Variants in PSMC4 observed in about 807,000 individuals in gnomAD.
The protein encoded by PSMC4 is proteasome 26S subunit, ATPase 4, also known as 26S proteasome regulatory subunit 6B.
Under a neutral mutation model 48.4 loss-of-function variants are expected in PSMC4, and 13 were observed. The observed-to-expected ratio is 0.27, with a 90% CI of 0.18 to 0.43. The LOEUF is 0.43. PSMC4 is among the 20% of genes least tolerant of loss of function. The pLI, the probability that PSMC4 is intolerant of heterozygous loss-of-function variation, is 1.00. For synonymous variants in PSMC4, 202 were observed against 212.3 expected (o/e 0.95, Z 0.42); for missense variants, 262 against 555.9 (o/e 0.47, Z 5.32).
In PSMC4 at chr19:39,980,868, A is replaced by C; in HGVS notation, c.1143+151A>C. ...TCTACCATCACTAGGGGTGGATAGTACAGGGGTAGTGTTTTTGTGTTTTGC... is the reference window on the plus strand; with the variant it reads ...TCTACCATCACTAGGGGTGGATAGTCCAGGGGTAGTGTTTTTGTGTTTTGC... On this transcript the variant is annotated intron_variant, in intron 10 of 10. Coordinates refer to ENST00000157812, the MANE Select transcript of PSMC4 (RefSeq NM_006503.4). The surrounding 1 kb of genome is among the most constrained non-coding windows in gnomAD (Gnocchi z 4.8). The C allele has an allele frequency of 1.3e-6, 1 of 776,964 alleles. No individual in the cohort carries two copies. The highest frequency in any genetic ancestry group is 2.1e-6 in the Non-Finnish European group (1 of 471,534). The allele number at this position is 776,964 out of a possible 1,614,324, so 48.1% of individuals were successfully genotyped here.
At position 39,971,244 on chromosome 19, in the gene PSMC4, G is replaced by A. The variant is rs764642713; in HGVS notation, c.36+6G>A. On this transcript the variant is annotated splice_donor_region_variant and intron_variant, in intron 1 of 10. Transcript: ENST00000157812. ...TCTTGGTGGAGAAGGCTCAGGTACAGTGGGGACTTGGGCTTTTTAGTCCGG... is the reference window on the plus strand; with the variant it reads ...TCTTGGTGGAGAAGGCTCAGGTACAATGGGGACTTGGGCTTTTTAGTCCGG... 6.2e-7 allele frequency: 1 copy of A among 1,614,210 alleles called. No individual in the cohort carries two copies. The highest frequency in any genetic ancestry group is 2.2e-5 in the East Asian group (1 of 44,880).
In PSMC4 at chr19:39,978,779, G is replaced by A. The variant is rs138459723; in HGVS notation, c.674-1038G>A. Among the ~76,000 whole-genome samples, 21 of 152,256 alleles carry A rather than the reference G, an allele frequency of 1.4e-4. No individual in the cohort carries two copies. In the East Asian group the frequency reaches 4.0e-3, roughly 29 times the overall value. Reference sequence around the variant, plus strand: ...TGTCTATAATCCCAGCACTTTGGAAGGCTAAGCCAGGAGGATCGCTTGAGG... The same window carrying A: ...TGTCTATAATCCCAGCACTTTGGAAAGCTAAGCCAGGAGGATCGCTTGAGG... On this transcript the variant is annotated intron_variant, in intron 6 of 10. Coordinates refer to ENST00000157812, the MANE Select transcript of PSMC4 (RefSeq NM_006503.4).
At chr19:39,973,846 T>C (rs1232844879) in intron 3 of PSMC4, among the ~76,000 whole-genome samples, 2 of 152,122 alleles carry the variant, frequency 1.3e-5, no homozygotes, top group African/African-American at 4.8e-5. Context: ...GAGGGTGGTA[T>C]CCAGGATGAG....
intron 3 of PSMC4, 93 bp downstream of exon 3, chr19:39,972,648 G>T: frequency 2.7e-6 from 3 of 1,104,050 alleles, no homozygotes; most frequent in Non-Finnish European, 3.8e-6. Context: ...GGGCAGTGCA[G>T]TGCAATGTTC....
At chr19:39,972,346 T>A (rs559362568) in intron 2 of PSMC4, 23 bp from the exon 3 acceptor site, 1 of 1,612,972 alleles carries the variant, frequency 6.2e-7, no homozygotes. Context: ...AGCCATCCCC[T>A]TCTGTCCCCT....
intron 6 of PSMC4, among the ~76,000 whole-genome samples, chr19:39,975,659 C>T (rs1971185976): frequency 6.6e-6 from 1 of 152,124 alleles, no homozygotes; most frequent in Non-Finnish European, 1.5e-5. Context: ...ACTCAGTTTC[C>T]TCACCTGTCA....
chr19:39,972,683 A>T (rs1252131221), intron 3 of PSMC4, 128 bp downstream of exon 3: 1 of 633,186 alleles, frequency 1.6e-6, no homozygotes, highest in East Asian at 2.8e-5. Context: ...ACTGATCGAA[A>T]GGTAGAAATA....
chr19:39,973,141 T>C (rs1971132771), intron 3 of PSMC4, among the ~76,000 whole-genome samples: 1 of 152,244 alleles, frequency 6.6e-6, no homozygotes, highest in Non-Finnish European at 1.5e-5. Flanking sequence ...TATTTAGCCT[T>C]ACTAGGTGTG....
chr19:39,980,796 T>TGCA lies in PSMC4; in HGVS notation c.1143+80_1143+81insCAG. The TGCA allele has an allele frequency of 7.0e-7, 1 of 1,423,388 alleles. No individual in the cohort carries two copies. Among genetic ancestry groups the TGCA allele is most frequent in the Non-Finnish European group, 9.9e-7 (1 of 1,007,838 alleles). The allele number at this position is 1,423,388 out of a possible 1,614,324, so 88.2% of individuals were successfully genotyped here. A position where few individuals can be genotyped will look rare whatever the true frequency, so the allele number is the denominator to read the frequency against. ...TCTCTGAACCACTCTGCTGCAGTCCTGTCCCCTCATGGCTGCCCTGGGTCG... is the reference window on the plus strand; with the variant it reads ...TCTCTGAACCACTCTGCTGCAGTCCTGCAGTCCCCTCATGGCTGCCCTGGGTCG... On this transcript the variant is annotated intron_variant, in intron 10 of 10. Coordinates refer to ENST00000157812, the MANE Select transcript of PSMC4 (RefSeq NM_006503.4). The surrounding 1 kb of genome is among the most constrained non-coding windows in gnomAD (Gnocchi z 4.8).
chr19:39,972,170 TC>T lies in PSMC4; in HGVS notation c.64del (p.Arg22GlyfsTer47). 6.2e-7 allele frequency: 1 copy of T among 1,614,086 alleles called. No homozygotes were observed. Among genetic ancestry groups the T allele is most frequent in the Non-Finnish European group, 8.5e-7 (1 of 1,179,982 alleles). Reference protein sequence around the residue: ...AQDEIPALSVSRPQTGLSFLG... With the variant: ...AQDEIPALSVXRPQTGLSFLG... ...GGATGAGATCCCAGCACTGTCCGTG[TC>T]CCGGCCCCAGACCGGCCTGTCCTTC... On this transcript the variant is annotated frameshift_variant, in exon 2 of 11. Coordinates refer to ENST00000157812, the MANE Select transcript of PSMC4 (RefSeq NM_006503.4). LOFTEE classifies it high-confidence loss of function.
chr19:39,978,721 A>C (rs1348006721), intron 6 of PSMC4, among the ~76,000 whole-genome samples: 2 of 152,138 alleles, frequency 1.3e-5, no homozygotes, highest in East Asian at 1.9e-4. Context: ...TAACTTTAAG[A>C]AACAAGGCCA....
At chr19:39,972,984 G>A (rs234373) in intron 3 of PSMC4, among the ~76,000 whole-genome samples, 18,676 of 151,910 alleles carry the variant, frequency 0.12, 3,159 homozygotes, top group African/African-American at 0.39. Flanking sequence ...GACCTCAGGC[G>A]ATCCACCCGC....
intron 3 of PSMC4, among the ~76,000 whole-genome samples, chr19:39,973,108 A>G (rs1332359542): frequency 6.6e-6 from 1 of 152,236 alleles, no homozygotes; most frequent in African/African-American, 2.4e-5. Context: ...ATAGATGTGT[A>G]AAACATAAGT....
intron 6 of PSMC4, among the ~76,000 whole-genome samples, chr19:39,978,835 A>G (rs1404713232): frequency 6.6e-6 from 1 of 152,086 alleles, no homozygotes; most frequent in Admixed American, 6.5e-5. Flanking sequence ...TGAGCAATAT[A>G]GCAAGACCCC....
At position 39,974,520 on chromosome 19, in the gene PSMC4, C is replaced by G. The variant is rs1971163461; in HGVS notation, c.470-4C>G. ...CAGGAGCCCCAGCTCTGCTCTCCCA[C>G]CAGACCAGAAGCCAGATGTGATGTA... On this transcript the variant is annotated splice_polypyrimidine_tract_variant and splice_region_variant and intron_variant, in intron 4 of 10. Transcript: ENST00000157812. The surrounding 1 kb of genome is among the most constrained non-coding windows in gnomAD (Gnocchi z 5.5). 6.2e-7 allele frequency: 1 copy of G among 1,613,876 alleles called. No homozygotes were observed. Among genetic ancestry groups the G allele is most frequent in the Admixed American group, 1.7e-5 (1 of 59,994 alleles).
rs776014996 is a variant in PSMC4 at position 39,979,820 on chromosome 19, C to T, written c.677C>T (p.Ala226Val). ...AKAVAHHTTA[A>V]FIRVVGSEFV... is the part of the protein sequence containing the mutation. ...ACTGTTGTCATCCTGTCATCAGCTG[C>T]ATTCATCCGGGTCGTGGGCTCGGAG... is the stretch of plus-strand genomic sequence containing the variant. Residue 226 changes from alanine to valine, a missense_variant, in exon 7 of 11, where the codon GCA becomes GTA. Transcript: ENST00000157812. 1.9e-6 allele frequency: 3 copies of T among 1,612,904 alleles called. No individual in the cohort carries two copies. Among genetic ancestry groups the T allele is most frequent in the South Asian group, 2.2e-5 (2 of 91,030 alleles).
In PSMC4 at chr19:39,980,170, G is replaced by A; in HGVS notation, c.918+24G>A. 6.2e-7 allele frequency: 1 copy of A among 1,613,992 alleles called. No homozygotes were observed. The highest frequency in any genetic ancestry group is 8.5e-7 in the Non-Finnish European group (1 of 1,179,942). ...AGGTTTGGGGTTTGGGATGGACAAG[G>A]GGAGGTGTGGTGTAGGAACTGGGGA... On this transcript the variant is annotated intron_variant, in intron 8 of 10. Transcript: ENST00000157812. The surrounding 1 kb of genome is among the most constrained non-coding windows in gnomAD (Gnocchi z 4.8).
intron 6 of PSMC4, among the ~76,000 whole-genome samples, chr19:39,978,472 T>G (rs143331846): frequency 2.9e-3 from 441 of 152,194 alleles, no homozygotes; most frequent in Admixed American, 5.0e-3. Context: ...GTTAGGATGC[T>G]GAATGAGCCC....
At position 39,980,971 on chromosome 19, in the gene PSMC4, C is replaced by A. The variant is rs1971278729; in HGVS notation, c.1144-221C>A. On this transcript the variant is annotated intron_variant, in intron 10 of 10. Coordinates refer to ENST00000157812, the MANE Select transcript of PSMC4 (RefSeq NM_006503.4). This position sits in a 1 kb window ranked among gnomAD's most constrained non-coding sequence, Gnocchi z 4.8. ...ATGACTCACTGCAGTGATCCTCCCACCTCAGCCTCCCAAGTAGCTGGGATT... is the reference window on the plus strand; with the variant it reads ...ATGACTCACTGCAGTGATCCTCCCAACTCAGCCTCCCAAGTAGCTGGGATT... Among the ~76,000 whole-genome samples, 1 of 151,972 alleles carries A rather than the reference C, an allele frequency of 6.6e-6. No individual in the cohort carries two copies. Among genetic ancestry groups the A allele is most frequent in the African/African-American group, 2.4e-5 (1 of 41,298 alleles).
Sources: gnomAD v4.1 joint callset for allele counts (sites outside exome capture counted in the v4.1 genomes callset) on GRCh38, gnomAD v4.1.1 for gene constraint, Gnocchi (gnomAD v3.1) non-coding constraint, MANE v1.5 for transcripts, NCBI Gene and HGNC (gene_info 2026-07-23, HGNC 2026-07-21) for gene names.